TP63: variants seen among roughly 807,000 people sequenced by gnomAD.
The protein encoded by TP63 is tumor protein p63.
In TP63, 17 loss-of-function variants were observed where a neutral mutation model predicts 82.8. The observed-to-expected ratio is 0.21, with a 90% CI of 0.14 to 0.31. TP63 has a LOEUF of 0.31. Among genes scored for constraint, TP63 ranks in the 10% least tolerant of loss-of-function variants. The pLI is 1.00. For missense variants in TP63, 648 were observed against 895.3 expected (o/e 0.72, Z 3.52); for synonymous variants, 330 against 321.7 (o/e 1.03, Z -0.28).
At chr3:189,601,439 A>C in the TP63 span, among the ~76,000 whole-genome samples, 1 of 152,246 alleles carries the variant, frequency 6.6e-6, no homozygotes, top group East Asian at 1.9e-4. Flanking sequence ...ACTACTGTAC[A>C]TCATCCTGAA....
chr3:189,800,636 G>A (rs1260748391), intron 3 of TP63, among the ~76,000 whole-genome samples: 1 of 152,080 alleles, frequency 6.6e-6, no homozygotes, highest in Non-Finnish European at 1.5e-5. Context: ...AGATTTACTG[G>A]TTCGACATCC....
At chr3:189,800,562 G>A (rs1025125096) in intron 3 of TP63, among the ~76,000 whole-genome samples, 1 of 151,966 alleles carries the variant, frequency 6.6e-6, no homozygotes, top group Admixed American at 6.6e-5. Flanking sequence ...AGGCAGAAAT[G>A]TGAGTGATTC....
chr3:189,630,035 C>T (rs1018944718), upstream of TP63, among the ~76,000 whole-genome samples: 11 of 152,248 alleles, frequency 7.2e-5, no homozygotes, highest in African/African-American at 9.6e-5. Flanking sequence ...CGCTCTCGGG[C>T]TAAGTAAAGG....
chr3:189,848,269 C>CTCTCTCTCTCTCTCTCTCTCTCTCTCTG (rs1345114928), intron 4 of TP63, among the ~76,000 whole-genome samples: 1 of 150,548 alleles, frequency 6.6e-6, no homozygotes, highest in African/African-American at 2.5e-5. Flanking sequence ...CTCTCTCTCT[C>CTCTCTCTCTCTCTCTCTCTCTCTCTCTG]TGTTGCCTAG....
At chr3:189,860,732 G>A (rs1716921545) in intron 4 of TP63, among the ~76,000 whole-genome samples, 1 of 152,202 alleles carries the variant, frequency 6.6e-6, no homozygotes, top group Non-Finnish European at 1.5e-5. Flanking sequence ...AGTACTAGCT[G>A]AAAAGTGATA....
chr3:189,869,637 G>C (rs1435444085), intron 9 of TP63, among the ~76,000 whole-genome samples: 1 of 151,942 alleles, frequency 6.6e-6, no homozygotes. Context: ...GTTCTGGTGA[G>C]AGTTCTCTTC....
chr3:189,701,477 G>A (rs886706959), intron 1 of TP63, among the ~76,000 whole-genome samples: 2 of 149,528 alleles, frequency 1.3e-5, no homozygotes, highest in African/African-American at 4.9e-5. Flanking sequence ...CTGGAGATAA[G>A]GGTGTATGAG....
chr3:189,848,239 T>TCCTTCTCTC lies in TP63; in HGVS notation c.580-15993_580-15992insCCTTCTCTC, dbSNP rs372147574. ...CTCTGCCTCCTCCTCCTCCTCCTCC[T>TCCTTCTCTC]TCTCTCTCTCTCTCTCTCTCTCTCT... On this transcript the variant is annotated intron_variant, in intron 4 of 13. Coordinates refer to ENST00000264731, the MANE Select transcript of TP63 (RefSeq NM_003722.5). Among the ~76,000 whole-genome samples, 176 of 96,022 alleles carry TCCTTCTCTC rather than the reference T, an allele frequency of 1.8e-3. 2 individuals are homozygous for TCCTTCTCTC. The highest frequency in any genetic ancestry group is 7.1e-3 in the African/African-American group (167 of 23,478). The allele number at this position is 96,022 out of a possible 152,430, so 63.0% of individuals were successfully genotyped here.
chr3:189,740,346 A>C (rs1339668318), intron 3 of TP63, among the ~76,000 whole-genome samples: 1 of 152,164 alleles, frequency 6.6e-6, no homozygotes, highest in Non-Finnish European at 1.5e-5. Context: ...GATGGATAGG[A>C]TCTGCCTAGG....
chr3:189,831,891 G>A (rs552172988), intron 4 of TP63, among the ~76,000 whole-genome samples: 1 of 140,780 alleles, frequency 7.1e-6, no homozygotes, highest in African/African-American at 2.8e-5. Flanking sequence ...GGGCGGTGGC[G>A]TGATATCTCG....
At chr3:189,868,220 G>C (rs1717970775) in intron 7 of TP63, among the ~76,000 whole-genome samples, 1 of 152,190 alleles carries the variant, frequency 6.6e-6, no homozygotes, top group Non-Finnish European at 1.5e-5. Context: ...ATTAGACCAT[G>C]GTCCTCAAGG....
At chr3:189,705,330 G>A (rs1177164740) in intron 1 of TP63, among the ~76,000 whole-genome samples, 1 of 152,102 alleles carries the variant, frequency 6.6e-6, no homozygotes, top group South Asian at 2.1e-4. Flanking sequence ...ATTAGTATAA[G>A]GTCTAAATGA....
chr3:189,797,279 A>G (rs146745601), intron 3 of TP63, among the ~76,000 whole-genome samples: 164 of 152,194 alleles, frequency 1.1e-3, no homozygotes, highest in African/African-American at 3.9e-3. Flanking sequence ...AAATAGTTCT[A>G]CTTTCTTATT....
intron 10 of TP63, among the ~76,000 whole-genome samples, chr3:189,876,937 C>G (rs1321892399): frequency 6.6e-6 from 1 of 152,054 alleles, no homozygotes; most frequent in Non-Finnish European, 1.5e-5. Flanking sequence ...TTGTATTTTT[C>G]TTTATAGTAG....
chr3:189,661,333 G>A (rs1275738097), intron 1 of TP63, among the ~76,000 whole-genome samples: 1 of 151,954 alleles, frequency 6.6e-6, no homozygotes, highest in Non-Finnish European at 1.5e-5. Flanking sequence ...AGATGATCAT[G>A]GGGTTTTTGT....
At chr3:189,803,403 A>G (rs11715710) in intron 3 of TP63, among the ~76,000 whole-genome samples, 28,916 of 152,284 alleles carry the variant, frequency 0.19, 3,274 homozygotes, top group Non-Finnish European at 0.27. Flanking sequence ...AAATAGCTTC[A>G]TTGGAATCTC....
At chr3:189,862,411 C>A (rs1170929937) in intron 4 of TP63, among the ~76,000 whole-genome samples, 1 of 151,874 alleles carries the variant, frequency 6.6e-6, no homozygotes, top group Non-Finnish European at 1.5e-5. Flanking sequence ...ATTCTTAATG[C>A]TTTTATACTG....
upstream of TP63, chr3:189,631,285 G>C (rs753071657): frequency 5.2e-6 from 7 of 1,333,752 alleles, no homozygotes; most frequent in East Asian, 2.2e-4. Flanking sequence ...GGTAAGAATC[G>C]AGTGTTTATG....
intron 1 of TP63, among the ~76,000 whole-genome samples, chr3:189,720,595 G>A (rs191314230): frequency 1.6e-4 from 24 of 152,082 alleles, no homozygotes; most frequent in Admixed American, 9.8e-4. Flanking sequence ...TTAGCCGGGC[G>A]TGGTGGCACA....
Sources: allele counts gnomAD v4.1 joint callset (sites outside exome capture counted in the v4.1 genomes callset), GRCh38; gene constraint gnomAD v4.1.1; transcripts MANE v1.5; gene names NCBI Gene and HGNC (gene_info 2026-07-23, HGNC 2026-07-21).